The following GALNT2 variants were observed in gnomAD, a reference collection of about 807,000 sequenced individuals.
GALNT2 encodes the protein UDP-GalNAc:polypeptide N-acetylgalactosaminyltransferase 2.
In GALNT2, 31 loss-of-function variants were observed where a neutral mutation model predicts 81.4. The ratio of observed to expected loss-of-function variants is 0.38; its 90% CI spans 0.29 to 0.51. GALNT2 has a LOEUF of 0.51. Ranked by LOEUF, GALNT2 falls within the 20% of genes least tolerant of loss-of-function variation. GALNT2 has a pLI of 0.87. For missense variants in GALNT2, 629 were observed against 765.7 expected (o/e 0.82, Z 2.11); for synonymous variants, 303 against 287.4 (o/e 1.05, Z -0.55).
At chr1:230,164,098 A>T (rs1249995797) in intron 1 of GALNT2, among the ~76,000 whole-genome samples, 2 of 152,160 alleles carry the variant, frequency 1.3e-5, no homozygotes, top group Non-Finnish European at 2.9e-5. Flanking sequence ...AGATACTGTG[A>T]AGAACACATA....
At chr1:230,246,390 C>T (rs1015862647) in intron 8 of GALNT2, among the ~76,000 whole-genome samples, 1 of 152,222 alleles carries the variant, frequency 6.6e-6, no homozygotes. Flanking sequence ...CCTTCTGTCA[C>T]TTTTGCGAGC....
intron 1 of GALNT2, among the ~76,000 whole-genome samples, chr1:230,082,451 C>G (rs1037034534): frequency 2.0e-5 from 3 of 152,258 alleles, no homozygotes; most frequent in African/African-American, 7.2e-5. Context: ...GCCATTCAGG[C>G]TGGTCATCTC....
chr1:230,092,777 A>G (rs553347828), intron 1 of GALNT2, among the ~76,000 whole-genome samples: 2 of 152,346 alleles, frequency 1.3e-5, no homozygotes, highest in South Asian at 4.1e-4. Flanking sequence ...TTATAAGAGA[A>G]AGTATATTAT....
chr1:230,086,185 G>A (rs779780769), intron 1 of GALNT2, among the ~76,000 whole-genome samples: 5 of 152,170 alleles, frequency 3.3e-5, no homozygotes, highest in Admixed American at 6.5e-5. Flanking sequence ...ATTATTTGGC[G>A]AGTTTGTAGG....
intron 1 of GALNT2, among the ~76,000 whole-genome samples, chr1:230,082,825 G>C (rs1395458696): frequency 6.6e-6 from 1 of 152,226 alleles, no homozygotes; most frequent in Non-Finnish European, 1.5e-5. Context: ...GATAGAGCAG[G>C]ATAAGGACAG....
At chr1:230,265,152 C>T (rs569657315) in intron 13 of GALNT2, 89 bp from the exon 14 acceptor site, 461 of 1,565,614 alleles carry the variant, frequency 2.9e-4, no homozygotes, top group Non-Finnish European at 3.7e-4. Flanking sequence ...TTCCTGTCAC[C>T]TGTCATGAGG....
chr1:230,069,178 G>A (rs1006084327), intron 1 of GALNT2, among the ~76,000 whole-genome samples: 2 of 152,190 alleles, frequency 1.3e-5, no homozygotes, highest in African/African-American at 4.8e-5. Context: ...TCCTCACTCT[G>A]GTGGGCTTCA....
intron 2 of GALNT2, 58 bp downstream of exon 2, chr1:230,178,369 A>C: frequency 7.6e-7 from 1 of 1,312,852 alleles, no homozygotes; most frequent in Non-Finnish European, 1.1e-6. Flanking sequence ...GAGTGGACTG[A>C]GCATGGCTCT....
intron 1 of GALNT2, among the ~76,000 whole-genome samples, chr1:230,167,727 C>A (rs748000238): frequency 1.3e-5 from 2 of 152,074 alleles, no homozygotes; most frequent in East Asian, 3.9e-4. Flanking sequence ...TGGAGCAGCA[C>A]GGGTGTGAAA....
At chr1:230,191,611 AAGCAGTCCTCCTGCTTC>A (rs1361527817) in intron 2 of GALNT2, among the ~76,000 whole-genome samples, 4 of 152,212 alleles carry the variant, frequency 2.6e-5, no homozygotes, top group Admixed American at 1.3e-4. Context: ...TCCTGGGCTT[AAGCAGTCCTCCTGCTTC>A]AGCCTCCCAC....
intron 1 of GALNT2, among the ~76,000 whole-genome samples, chr1:230,087,115 C>T (rs75348872): frequency 0.026 from 3,937 of 152,252 alleles, 77 homozygotes; most frequent in South Asian, 0.063. Flanking sequence ...CTGGGAAGGT[C>T]CTGGCTGGGA....
intron 1 of GALNT2, among the ~76,000 whole-genome samples, chr1:230,075,377 T>C (rs1659511833): frequency 6.6e-6 from 1 of 152,114 alleles, no homozygotes; most frequent in Non-Finnish European, 1.5e-5. Context: ...CACCTCGGCC[T>C]CCCAAAGTGC....
At chr1:230,061,357 T>C (rs1019352244) in intron 1 of GALNT2, among the ~76,000 whole-genome samples, 1 of 152,064 alleles carries the variant, frequency 6.6e-6, no homozygotes, top group African/African-American at 2.4e-5. Context: ...CCCAAAACAA[T>C]GTATTTCCTG....
At chr1:230,118,943 C>T (rs1660932246) in intron 1 of GALNT2, among the ~76,000 whole-genome samples, 1 of 152,196 alleles carries the variant, frequency 6.6e-6, no homozygotes, top group Non-Finnish European at 1.5e-5. Flanking sequence ...TGTCCATGAC[C>T]ACCCTGGAAA....
chr1:230,220,677 T>C (rs1664519888), intron 3 of GALNT2, among the ~76,000 whole-genome samples: 1 of 152,134 alleles, frequency 6.6e-6, no homozygotes, highest in Non-Finnish European at 1.5e-5. Flanking sequence ...CAAAGAGGCA[T>C]CCCCTGGAGG....
chr1:230,095,953 A>G (rs906203165), intron 1 of GALNT2, among the ~76,000 whole-genome samples: 3 of 152,250 alleles, frequency 2.0e-5, no homozygotes, highest in Admixed American at 6.5e-5. Context: ...ACCATGGGAC[A>G]TAAGAACTTG....
At chr1:230,158,438 A>T (rs910502) in intron 1 of GALNT2, among the ~76,000 whole-genome samples, 135,832 of 152,296 alleles carry the variant, frequency 0.89, 60,821 homozygotes, top group East Asian at 0.96. Context: ...TTTGGAAAAA[A>T]GCTAAACATA....
At chr1:230,215,739 TTTC>T (rs1055084110) in intron 3 of GALNT2, among the ~76,000 whole-genome samples, 1 of 152,198 alleles carries the variant, frequency 6.6e-6, no homozygotes, top group Admixed American at 6.5e-5. Context: ...AAACCCTGGG[TTTC>T]TTATCTGTAA....
At chr1:230,190,962 A>G (rs1014407590) in intron 2 of GALNT2, among the ~76,000 whole-genome samples, 1 of 152,168 alleles carries the variant, frequency 6.6e-6, no homozygotes, top group Non-Finnish European at 1.5e-5. Context: ...TGCAGGGTCA[A>G]TGGCAATGCA....
Sources: allele counts gnomAD v4.1 joint callset (sites outside exome capture counted in the v4.1 genomes callset), GRCh38; gene constraint gnomAD v4.1.1; transcripts MANE v1.5; gene names NCBI Gene and HGNC (gene_info 2026-07-23, HGNC 2026-07-21).